The following SMYD3 variants were observed in gnomAD, a reference collection of about 807,000 sequenced individuals.
SMYD3 encodes the protein SET and MYND domain containing 3, also known as histone-lysine N-methyltransferase SMYD3.
In SMYD3, 36 loss-of-function variants were observed where a neutral mutation model predicts 57.7. That is an observed-to-expected ratio of 0.62 (90% confidence interval 0.48 to 0.82). SMYD3 has a LOEUF of 0.82. Among genes scored for constraint, SMYD3 ranks in the 40% least tolerant of loss-of-function variants. The pLI, the probability that SMYD3 is intolerant of heterozygous loss-of-function variation, is 0.00. For synonymous variants in SMYD3, 211 were observed against 195.0 expected, an observed-to-expected ratio of 1.08 and a Z score of -0.68; for missense variants, 515 against 538.8, an observed-to-expected ratio of 0.96 and a Z score of 0.44.
chr1:246,216,157 C>T (rs985286346), intron 5 of SMYD3, among the ~76,000 whole-genome samples: 2 of 151,904 alleles, frequency 1.3e-5, no homozygotes, highest in African/African-American at 4.8e-5. Context: ...CGTGATGGTG[C>T]ACACCTGCAA....
chr1:246,507,222 C>T lies in SMYD3; in HGVS notation c.-5G>A. ...TTCCACCTTCAGCGGCTCCATCCTC[C>T]CGCAGCTCCGGCACCTCAGACGGCT... On this transcript the variant is annotated 5_prime_UTR_variant, in exon 1 of 12. Coordinates refer to ENST00000490107, the MANE Select transcript of SMYD3 (RefSeq NM_001167740.2). The T allele has an allele frequency of 6.6e-7, 1 of 1,514,706 alleles. No individual in the cohort carries two copies. The highest frequency in any genetic ancestry group is 1.2e-5 in the South Asian group (1 of 80,586). The allele number at this position is 1,514,706 out of a possible 1,614,324, so 93.8% of individuals were successfully genotyped here. A position where few individuals can be genotyped will look rare whatever the true frequency, so the allele number is the denominator to read the frequency against.
At chr1:246,042,153 C>A (rs1025861922) in intron 5 of SMYD3, among the ~76,000 whole-genome samples, 1 of 152,166 alleles carries the variant, frequency 6.6e-6, no homozygotes, top group Non-Finnish European at 1.5e-5. Flanking sequence ...CTGGAAGGCA[C>A]AGCTACAAAG....
intron 5 of SMYD3, among the ~76,000 whole-genome samples, chr1:246,247,994 A>G (rs1770025): frequency 0.36 from 55,202 of 151,644 alleles, 10,880 homozygotes; most frequent in East Asian, 0.79. Flanking sequence ...AATCCCTCTC[A>G]CCACCTTGCT....
At chr1:246,496,641 A>ATGTT (rs2068369290) in intron 1 of SMYD3, among the ~76,000 whole-genome samples, 6 of 152,122 alleles carry the variant, frequency 3.9e-5, no homozygotes, top group Non-Finnish European at 8.8e-5. Context: ...CAGGCTGGGC[A>ATGTT]ACATGGTGAA....
At chr1:246,451,344 G>A (rs2067629549) in intron 1 of SMYD3, among the ~76,000 whole-genome samples, 1 of 152,228 alleles carries the variant, frequency 6.6e-6, no homozygotes, top group Admixed American at 6.5e-5. Flanking sequence ...AAGACACGGA[G>A]GAAACTTAAG....
intron 5 of SMYD3, among the ~76,000 whole-genome samples, chr1:246,219,800 C>A (rs561620111): frequency 1.3e-5 from 2 of 152,294 alleles, no homozygotes; most frequent in African/African-American, 4.8e-5. Context: ...AAAAAACACT[C>A]ACCCAGGCTC....
At chr1:246,249,531 A>AT (rs35292473) in intron 5 of SMYD3, among the ~76,000 whole-genome samples, 30,190 of 148,052 alleles carry the variant, frequency 0.2, 3,677 homozygotes, top group East Asian at 0.57. Context: ...TTTTTTTTGT[A>AT]TTTTTTTTTG....
chr1:246,227,026 T>G (rs754859085), intron 5 of SMYD3, among the ~76,000 whole-genome samples: 25 of 152,200 alleles, frequency 1.6e-4, no homozygotes, highest in Non-Finnish European at 2.9e-4. Context: ...CTTTAATAAA[T>G]GCTTGTGATT....
At chr1:246,408,336 G>T (rs1348766779) in intron 1 of SMYD3, among the ~76,000 whole-genome samples, 1 of 151,892 alleles carries the variant, frequency 6.6e-6, no homozygotes, top group Admixed American at 6.6e-5. Flanking sequence ...CTCCCTTCAG[G>T]ATAGCATTTG....
At chr1:245,767,490 C>T (rs1280315696) in intron 10 of SMYD3, among the ~76,000 whole-genome samples, 1 of 152,170 alleles carries the variant, frequency 6.6e-6, no homozygotes, top group East Asian at 1.9e-4. Context: ...TATGGTGAAA[C>T]CCCGTCAATA....
intron 10 of SMYD3, among the ~76,000 whole-genome samples, chr1:245,842,978 T>A (rs536578548): frequency 3.8e-4 from 58 of 152,356 alleles, no homozygotes; most frequent in Admixed American, 5.9e-4. Context: ...CCCAAAGCAC[T>A]GAGATTACAG....
intron 5 of SMYD3, among the ~76,000 whole-genome samples, chr1:246,144,738 C>G (rs938296360): frequency 6.6e-6 from 1 of 152,120 alleles, no homozygotes; most frequent in African/African-American, 2.4e-5. Context: ...TTTTGCATAA[C>G]TAATAACCTT....
At chr1:245,959,842 C>T (rs1572793419) in intron 5 of SMYD3, among the ~76,000 whole-genome samples, 2 of 152,158 alleles carry the variant, frequency 1.3e-5, no homozygotes, top group Admixed American at 6.5e-5. Flanking sequence ...ATGGTAGTGC[C>T]GTCACAGCTC....
intron 10 of SMYD3, among the ~76,000 whole-genome samples, chr1:245,817,522 C>T (rs1480553270): frequency 8.5e-5 from 13 of 152,068 alleles, no homozygotes; most frequent in Non-Finnish European, 1.3e-4. Context: ...AGTTCCTCAC[C>T]AGCAACGGAA....
At chr1:245,791,096 G>A (rs1205025077) in intron 10 of SMYD3, among the ~76,000 whole-genome samples, 1 of 152,106 alleles carries the variant, frequency 6.6e-6, no homozygotes, top group Non-Finnish European at 1.5e-5. Flanking sequence ...TCTTCAATAA[G>A]CTACACCATG....
intron 8 of SMYD3, among the ~76,000 whole-genome samples, chr1:245,868,244 CT>C (rs2051987462): frequency 6.6e-6 from 1 of 152,184 alleles, no homozygotes; most frequent in African/African-American, 2.4e-5. Context: ...CCTTCTACCC[CT>C]AATTGCCGAG....
intron 5 of SMYD3, among the ~76,000 whole-genome samples, chr1:246,124,391 G>T (rs1450945161): frequency 6.6e-6 from 1 of 152,150 alleles, no homozygotes; most frequent in Non-Finnish European, 1.5e-5. Flanking sequence ...CAGCAATAAA[G>T]ACTACAGCTG....
intron 10 of SMYD3, among the ~76,000 whole-genome samples, chr1:245,806,480 T>C (rs1279506891): frequency 6.6e-6 from 1 of 151,980 alleles, no homozygotes; most frequent in East Asian, 1.9e-4. Flanking sequence ...AGCAATGGAG[T>C]TGCCGCAGAA....
chr1:246,200,715 A>G (rs867922052), intron 5 of SMYD3, among the ~76,000 whole-genome samples: 4 of 135,974 alleles, frequency 2.9e-5, no homozygotes, highest in Admixed American at 7.2e-5. Flanking sequence ...ACAATTCCCC[A>G]GGAACTACAG....
Sources: gnomAD v4.1 joint callset for allele counts (sites outside exome capture counted in the v4.1 genomes callset) on GRCh38, gnomAD v4.1.1 for gene constraint, MANE v1.5 for transcripts, NCBI Gene and HGNC (gene_info 2026-07-23, HGNC 2026-07-21) for gene names.